LRP1B: variants seen among roughly 807,000 people sequenced by gnomAD.
LRP1B encodes LDL receptor related protein 1B.
LRP1B carries 217 observed loss-of-function variants against 556.6 expected under a neutral mutation model. The ratio of observed to expected loss-of-function variants is 0.39; its 90% CI spans 0.35 to 0.44. The LOEUF is 0.44. Ranked by LOEUF, LRP1B falls within the 20% of genes least tolerant of loss-of-function variation. LRP1B has a pLI of 1.00. For missense variants in LRP1B, 5,053 were observed against 5,620.8 expected (o/e 0.90, Z 3.23); for synonymous variants, 2,047 against 1,865.8 (o/e 1.10, Z -2.50).
Position 140,393,644 on chromosome 2 carries a change from G to A in LRP1B, c.10415-7635C>T, listed in dbSNP as rs149617421. On this transcript the variant is annotated intron_variant, in intron 66 of 90. Coordinates refer to ENST00000389484, the MANE Select transcript of LRP1B (RefSeq NM_018557.3). The stretch of plus-strand genomic sequence containing the variant: ...AAATAGTTGGGTAACAGGTAGTAAT[G>A]TTGGTTACCAATAAATAAATAAATA... Among the ~76,000 whole-genome samples, 779 of 152,084 alleles carry A rather than the reference G, an allele frequency of 5.1e-3. 10 individuals carry two copies. The highest frequency in any genetic ancestry group is 0.018 in the African/African-American group (746 of 41,510).
intron 1 of LRP1B, among the ~76,000 whole-genome samples, chr2:142,086,247 T>G (rs372389393): frequency 1.3e-5 from 2 of 152,178 alleles, no homozygotes; most frequent in East Asian, 3.9e-4. Context: ...ATGAACCTAC[T>G]TAGCATCCTT....
intron 35 of LRP1B, among the ~76,000 whole-genome samples, chr2:140,748,329 T>TTTATATATGTATA (rs1491457136): frequency 8.1e-6 from 1 of 124,050 alleles, no homozygotes; most frequent in African/African-American, 3.1e-5. Context: ...ATAATATATA[T>TTTATATATGTATA]TATATTCATA....
At chr2:141,151,368 A>G (rs1033376838) in intron 7 of LRP1B, among the ~76,000 whole-genome samples, 2 of 152,214 alleles carry the variant, frequency 1.3e-5, no homozygotes, top group Non-Finnish European at 2.9e-5. Flanking sequence ...ATGCAGGCAT[A>G]TCTAATACCC....
At chr2:141,667,317 T>G (rs1438818767) in intron 2 of LRP1B, among the ~76,000 whole-genome samples, 1 of 152,216 alleles carries the variant, frequency 6.6e-6, no homozygotes, top group African/African-American at 2.4e-5. Context: ...CCATACCCAC[T>G]GTATTCTTGC....
chr2:140,640,251 G>C (rs536323677), intron 41 of LRP1B, among the ~76,000 whole-genome samples: 1 of 149,902 alleles, frequency 6.7e-6, no homozygotes, highest in South Asian at 2.1e-4. Flanking sequence ...TCGGCCTCTC[G>C]AAGTGCTGGG....
chr2:141,766,590 C>A (rs1866022), intron 2 of LRP1B, among the ~76,000 whole-genome samples: 1,735 of 152,228 alleles, frequency 0.011, 27 homozygotes, highest in African/African-American at 0.039. Context: ...TCCTCAAGAG[C>A]AGAGACACTT....
chr2:140,400,017 C>G (rs758255335), intron 66 of LRP1B, among the ~76,000 whole-genome samples: 1 of 152,070 alleles, frequency 6.6e-6, no homozygotes, highest in Non-Finnish European at 1.5e-5. Flanking sequence ...AGCAGAAGAA[C>G]AACAACATCT....
intron 2 of LRP1B, chr2:141,805,881 C>T (rs1039763092): frequency 6.6e-6 from 1 of 152,140 alleles, no homozygotes; most frequent in East Asian, 1.9e-4. Flanking sequence ...AGAGAAGAGT[C>T]CAGCTTGCAA....
At chr2:140,573,417 T>C (rs1432599766) in intron 43 of LRP1B, among the ~76,000 whole-genome samples, 1 of 151,922 alleles carries the variant, frequency 6.6e-6, no homozygotes, top group Non-Finnish European at 1.5e-5. Context: ...CAACAGACTA[T>C]GCAGTATTTT....
intron 3 of LRP1B, among the ~76,000 whole-genome samples, chr2:141,256,939 C>A (rs1050683076): frequency 2.6e-5 from 4 of 151,804 alleles, no homozygotes; most frequent in African/African-American, 4.8e-5. Flanking sequence ...ACCCGTAGAA[C>A]CTCTTCATGT....
At chr2:141,195,603 G>A (rs888219717) in intron 6 of LRP1B, among the ~76,000 whole-genome samples, 9 of 152,036 alleles carry the variant, frequency 5.9e-5, no homozygotes, top group African/African-American at 1.4e-4. Flanking sequence ...GACTGCCTAC[G>A]CCAATAACTG....
intron 32 of LRP1B, among the ~76,000 whole-genome samples, chr2:140,796,109 A>C (rs1690303683): frequency 6.6e-6 from 1 of 152,026 alleles, no homozygotes; most frequent in South Asian, 2.1e-4. Context: ...ACACATTTTC[A>C]AATTCGTTCA....
intron 43 of LRP1B, among the ~76,000 whole-genome samples, chr2:140,565,357 T>G (rs189733122): frequency 1.1e-3 from 172 of 152,018 alleles, no homozygotes; most frequent in African/African-American, 3.5e-3. Context: ...AATAATAAAA[T>G]GTTTGAAAAT....
intron 3 of LRP1B, among the ~76,000 whole-genome samples, chr2:141,430,997 C>T (rs1680539338): frequency 6.6e-6 from 1 of 151,780 alleles, no homozygotes; most frequent in East Asian, 1.9e-4. Flanking sequence ...ATTAGCCAGG[C>T]ATGGTGCCGT....
intron 1 of LRP1B, among the ~76,000 whole-genome samples, chr2:141,910,618 A>T (rs1699884635): frequency 6.6e-6 from 1 of 152,122 alleles, no homozygotes; most frequent in Non-Finnish European, 1.5e-5. Context: ...AATGGATAAG[A>T]AATCATATCA....
intron 2 of LRP1B, among the ~76,000 whole-genome samples, chr2:141,579,954 C>T (rs184104401): frequency 0.015 from 2,251 of 152,152 alleles, 36 homozygotes; most frequent in Non-Finnish European, 0.019. Context: ...CCCGTCTGGG[C>T]CTCCCAAAGT....
chr2:142,107,521 TA>T (rs1706790571), intron 1 of LRP1B, among the ~76,000 whole-genome samples: 1 of 152,188 alleles, frequency 6.6e-6, no homozygotes, highest in South Asian at 2.1e-4. Flanking sequence ...ATCTGTTTTT[TA>T]TAAGTCACCT....
intron 43 of LRP1B, among the ~76,000 whole-genome samples, chr2:140,586,887 G>A (rs911406701): frequency 6.6e-6 from 1 of 151,576 alleles, no homozygotes; most frequent in Admixed American, 6.6e-5. Context: ...ACTAATAGAT[G>A]CCAACACCAA....
chr2:140,925,056 T>C (rs1189752134), intron 20 of LRP1B, among the ~76,000 whole-genome samples: 1 of 152,138 alleles, frequency 6.6e-6, no homozygotes, highest in Non-Finnish European at 1.5e-5. Context: ...ATATTTACAT[T>C]GTATTAGGTA....
Sources: gnomAD v4.1 joint callset for allele counts (sites outside exome capture counted in the v4.1 genomes callset) on GRCh38, gnomAD v4.1.1 for gene constraint, MANE v1.5 for transcripts, NCBI Gene and HGNC (gene_info 2026-07-23, HGNC 2026-07-21) for gene names.